The following FASTKD1 variants were observed in gnomAD, a reference collection of about 807,000 sequenced individuals.
The protein encoded by FASTKD1 is FAST kinase domains 1.
A neutral mutation model predicts 90.9 loss-of-function variants in FASTKD1; 94 were observed. That is an observed-to-expected ratio of 1.03 (90% confidence interval 0.88 to 1.23). FASTKD1 has a LOEUF of 1.23. Ranked by LOEUF, FASTKD1 falls within the 50% of genes most tolerant of loss-of-function variation. The pLI, the probability that FASTKD1 is intolerant of heterozygous loss-of-function variation, is 0.00. For synonymous variants in FASTKD1, 319 were observed against 345.8 expected, an observed-to-expected ratio of 0.92 and a Z score of 0.86; for missense variants, 945 against 993.5, an observed-to-expected ratio of 0.95 and a Z score of 0.66.
In FASTKD1 at chr2:169,572,137, T is replaced by C; in HGVS notation, c.-108A>G. The C allele has an allele frequency of 1.5e-6, 2 of 1,358,940 alleles. No homozygotes were observed. The highest frequency in any genetic ancestry group is 2.0e-6 in the Non-Finnish European group (2 of 1,018,196). The allele number at this position is 1,358,940 out of a possible 1,614,324, so 84.2% of individuals were successfully genotyped here. ...TTTCCTTCATGTATTTTGCTTCCAT[T>C]ACAATGACTGTAAACGCATTCCAAT... On this transcript the variant is annotated 5_prime_UTR_variant, in exon 2 of 15. An upstream open reading frame in the 5' UTR loses its in-frame stop. Transcript: ENST00000453153.
At chr2:169,530,778 A>T in intron 13 of FASTKD1, 77 bp from the exon 14 acceptor site, 2 of 778,250 alleles carry the variant, frequency 2.6e-6, no homozygotes, top group South Asian at 1.7e-5. Flanking sequence ...CAGAAACAAG[A>T]TTGCATCTTT....
intron 4 of FASTKD1, among the ~76,000 whole-genome samples, chr2:169,562,036 T>C (rs1683698772): frequency 7.2e-6 from 1 of 138,872 alleles, no homozygotes; most frequent in African/African-American, 2.6e-5. Context: ...TATTTATTAA[T>C]TTATTGTAAA....
intron 12 of FASTKD1, among the ~76,000 whole-genome samples, chr2:169,533,156 T>C (rs1684565390): frequency 6.6e-6 from 1 of 152,152 alleles, no homozygotes; most frequent in South Asian, 2.1e-4. Context: ...ATCTGTCTAC[T>C]TACGTTAAAT....
At chr2:169,531,197 C>A in intron 13 of FASTKD1, 155 bp downstream of exon 13, 1 of 817,178 alleles carries the variant, frequency 1.2e-6, no homozygotes, top group Non-Finnish European at 2.2e-6. Context: ...AACATTAAAG[C>A]AGAAAGGAGA....
chr2:169,553,458 T>C (rs996355039), intron 7 of FASTKD1, among the ~76,000 whole-genome samples: 2 of 152,050 alleles, frequency 1.3e-5, no homozygotes, highest in African/African-American at 4.8e-5. Flanking sequence ...AAATTATTTT[T>C]CAAGAAAAAG....
At chr2:169,530,235 C>G (rs934292838) in intron 14 of FASTKD1, among the ~76,000 whole-genome samples, 3 of 152,154 alleles carry the variant, frequency 2.0e-5, no homozygotes, top group African/African-American at 7.2e-5. Context: ...TGCCTCTCTC[C>G]TTTGTAAGAT....
intron 12 of FASTKD1, chr2:169,531,819 A>C (rs986715197): frequency 8.7e-5 from 17 of 194,406 alleles, no homozygotes; most frequent in African/African-American, 3.7e-4. Flanking sequence ...AAGCTAAACC[A>C]ACTCATCTGA....
intron 5 of FASTKD1, among the ~76,000 whole-genome samples, chr2:169,557,701 T>G (rs1268466622): frequency 6.6e-6 from 1 of 152,204 alleles, no homozygotes; most frequent in Admixed American, 6.5e-5. Flanking sequence ...TAGGAACATC[T>G]AGGAGTCAAT....
At chr2:169,542,398 T>G (rs1182636393) in intron 9 of FASTKD1, among the ~76,000 whole-genome samples, 1 of 152,136 alleles carries the variant, frequency 6.6e-6, no homozygotes, top group Non-Finnish European at 1.5e-5. Context: ...GCTCTAATCC[T>G]TCAAGGTCAA....
chr2:169,553,794 C>A (rs1368357437), intron 7 of FASTKD1, among the ~76,000 whole-genome samples: 1 of 151,962 alleles, frequency 6.6e-6, no homozygotes, highest in African/African-American at 2.4e-5. Flanking sequence ...TGGCGGCGGG[C>A]ACCTGTAGTC....
At chr2:169,572,542 T>C (rs970651902) in intron 1 of FASTKD1, among the ~76,000 whole-genome samples, 6 of 116,352 alleles carry the variant, frequency 5.2e-5, no homozygotes, top group South Asian at 3.1e-4. Context: ...TATACATACA[T>C]ATATATATAC....
chr2:169,558,878 C>T (rs771324494), intron 5 of FASTKD1, among the ~76,000 whole-genome samples: 45 of 151,982 alleles, frequency 3.0e-4, no homozygotes, highest in African/African-American at 1.0e-3. Context: ...TGTGAACCAC[C>T]GTGCTGGGCC....
At position 169,540,129 on chromosome 2, in the gene FASTKD1, G is replaced by A. The variant is rs781198901; in HGVS notation, c.1867C>T (p.Leu623Phe). The A allele has an allele frequency of 2.5e-6, 4 of 1,608,338 alleles. 1 individual carries two copies. The highest frequency in any genetic ancestry group is 2.2e-5 in the South Asian group (2 of 89,990). The stretch of plus-strand genomic sequence containing the variant: ...AGCAGATCTTCTGGAAAATATTCAA[G>A]TGTGGCCAAAGAGAAACCAAGAAAC... ...LVFLGFSLAT[L>F]EYFPEDLLKA... Residue 623 changes from leucine to phenylalanine, a missense_variant, in exon 10 of 15, where the codon CTT (leucine) becomes TTT (phenylalanine). Transcript: ENST00000453153.
intron 7 of FASTKD1, among the ~76,000 whole-genome samples, chr2:169,549,103 T>C (rs1685367802): frequency 8.6e-6 from 1 of 116,016 alleles, no homozygotes; most frequent in Admixed American, 8.6e-5. Context: ...TCTCAAAAAA[T>C]TAAATAAATA....
Position 169,562,078 on chromosome 2 carries a change from T to C in FASTKD1, c.572+1147A>G, listed in dbSNP as rs928261760. 1.9e-4 allele frequency among the ~76,000 whole-genome samples: 26 copies of C among 134,314 alleles called. 5 individuals carry two copies. The East Asian group carries it at 2.0e-3, about 11-fold the overall frequency. The allele number at this position is 134,314 out of a possible 152,430, so 88.1% of individuals were successfully genotyped here. A position where few individuals can be genotyped will look rare whatever the true frequency, so the allele number is the denominator to read the frequency against. ...ATTTATTAATTTATTGTAAAATAAT[T>C]ATTTATTAATTTATTGTAAAATAAT... On this transcript the variant is annotated intron_variant, in intron 4 of 14. Coordinates refer to ENST00000453153, the MANE Select transcript of FASTKD1 (RefSeq NM_024622.6).
chr2:169,548,113 C>A (rs943851210), intron 7 of FASTKD1, among the ~76,000 whole-genome samples: 1 of 151,320 alleles, frequency 6.6e-6, no homozygotes, highest in Non-Finnish European at 1.5e-5. Flanking sequence ...GAAGCACAGG[C>A]CAAAATTTTT....
At chr2:169,566,622 C>T (rs958285761) in intron 3 of FASTKD1, among the ~76,000 whole-genome samples, 12 of 152,044 alleles carry the variant, frequency 7.9e-5, no homozygotes, top group Admixed American at 5.9e-4. Context: ...TGAGATAGGA[C>T]GATGGCTTGA....
intron 10 of FASTKD1, among the ~76,000 whole-genome samples, chr2:169,538,829 A>G (rs1184113372): frequency 6.6e-6 from 1 of 152,188 alleles, no homozygotes; most frequent in Non-Finnish European, 1.5e-5. Context: ...AAATTTTATT[A>G]TATCCATGTA....
chr2:169,568,298 C>T lies in FASTKD1; in HGVS notation c.446+886G>A, dbSNP rs542774860. Among the ~76,000 whole-genome samples, 8 of 152,122 alleles carry T rather than the reference C, an allele frequency of 5.3e-5. No homozygotes were observed. The East Asian group carries it at 1.5e-3, about 29-fold the overall frequency. On this transcript the variant is annotated intron_variant, in intron 3 of 14. Coordinates refer to ENST00000453153, the MANE Select transcript of FASTKD1 (RefSeq NM_024622.6). Reference sequence around the variant, plus strand: ...TTTTTCTCCTTTCCTGGCTCCTGCACTTCTAGGTTTTTATTGATAGCCAAT... The same window carrying T: ...TTTTTCTCCTTTCCTGGCTCCTGCATTTCTAGGTTTTTATTGATAGCCAAT...
Sources: gnomAD v4.1 joint callset for allele counts (sites outside exome capture counted in the v4.1 genomes callset) on GRCh38, gnomAD v4.1.1 for gene constraint, MANE v1.5 for transcripts, NCBI Gene and HGNC (gene_info 2026-07-23, HGNC 2026-07-21) for gene names.